DPYSL3: variants seen among roughly 807,000 people sequenced by gnomAD.
DPYSL3 encodes dihydropyrimidinase like 3.
In DPYSL3, 16 loss-of-function variants were observed where a neutral mutation model predicts 66.1. That is an observed-to-expected ratio of 0.24 (90% confidence interval 0.16 to 0.37). DPYSL3 has a LOEUF of 0.37. DPYSL3 is among the 10% of genes least tolerant of loss of function. The pLI is 1.00. For missense variants in DPYSL3, 738 were observed against 916.2 expected, an observed-to-expected ratio of 0.81 and a Z score of 2.51; for synonymous variants, 338 against 345.1, an observed-to-expected ratio of 0.98 and a Z score of 0.23.
chr5:147,506,015 C>G (rs931217227), intron 1 of DPYSL3, among the ~76,000 whole-genome samples: 2 of 150,422 alleles, frequency 1.3e-5, no homozygotes, highest in Non-Finnish European at 3.0e-5. Flanking sequence ...CAATTAGTCT[C>G]TGGGGTTCAA....
At chr5:147,456,355 T>C (rs772086795) in intron 1 of DPYSL3, among the ~76,000 whole-genome samples, 16 of 152,158 alleles carry the variant, frequency 1.1e-4, no homozygotes, top group Non-Finnish European at 2.1e-4. Context: ...GGTATCTCAG[T>C]AAACTGAAAG....
In DPYSL3 at chr5:147,393,970, G is replaced by A. The variant is rs921121964; in HGVS notation, c.*65C>T. ...GATTCGCTTTCCTTCTTAAATATCG[G>A]TGTACCATTTTGGCTTCAAAACAAT... On this transcript the variant is annotated 3_prime_UTR_variant, in exon 14 of 14. Transcript: ENST00000343218. 6.7e-7 allele frequency: 1 copy of A among 1,497,210 alleles called. No individual in the cohort carries two copies. The highest frequency in any genetic ancestry group is 9.3e-7 in the Non-Finnish European group (1 of 1,075,996). The allele number at this position is 1,497,210 out of a possible 1,614,324, so 92.7% of individuals were successfully genotyped here.
chr5:147,501,203 C>G (rs894623351), intron 1 of DPYSL3, among the ~76,000 whole-genome samples: 1 of 152,204 alleles, frequency 6.6e-6, no homozygotes, highest in African/African-American at 2.4e-5. Flanking sequence ...TGAAAGAAGC[C>G]AATCTGAAAA....
intron 1 of DPYSL3, among the ~76,000 whole-genome samples, chr5:147,447,599 G>A (rs936563002): frequency 2.0e-5 from 3 of 152,144 alleles, no homozygotes; most frequent in Admixed American, 6.5e-5. Flanking sequence ...GGCCAGGTGC[G>A]GTGGCTCACG....
chr5:147,442,994 C>T (rs565437316), intron 1 of DPYSL3, among the ~76,000 whole-genome samples: 4 of 152,134 alleles, frequency 2.6e-5, no homozygotes, highest in African/African-American at 4.8e-5. Context: ...GAAAAAAAGC[C>T]TTAGTTAATT....
At chr5:147,425,630 T>A (rs1287890966) in intron 1 of DPYSL3, among the ~76,000 whole-genome samples, 1 of 152,202 alleles carries the variant, frequency 6.6e-6, no homozygotes, top group Non-Finnish European at 1.5e-5. Flanking sequence ...ATTTTCTGAG[T>A]GCATTTCTTT....
At chr5:147,471,545 G>T (rs1014542148) in intron 1 of DPYSL3, among the ~76,000 whole-genome samples, 2 of 152,134 alleles carry the variant, frequency 1.3e-5, no homozygotes, top group East Asian at 3.9e-4. Context: ...CTCTGCTTGG[G>T]TCAGTGATTA....
intron 1 of DPYSL3, among the ~76,000 whole-genome samples, chr5:147,427,699 C>A (rs1033521396): frequency 1.3e-5 from 2 of 152,090 alleles, no homozygotes; most frequent in East Asian, 3.8e-4. Flanking sequence ...AAGTCACAGA[C>A]CAGCACAAGG....
chr5:147,451,794 G>C (rs539292358), intron 1 of DPYSL3, among the ~76,000 whole-genome samples: 1 of 152,240 alleles, frequency 6.6e-6, no homozygotes, highest in African/African-American at 2.4e-5. Flanking sequence ...TAAAAATTGA[G>C]CTTTTGTCCC....
intron 8 of DPYSL3, among the ~76,000 whole-genome samples, chr5:147,402,642 C>A (rs968314880): frequency 7.4e-6 from 1 of 135,212 alleles, no homozygotes; most frequent in Non-Finnish European, 1.5e-5. Flanking sequence ...CCACCGCGCC[C>A]GGCCTATGAC....
rs75613839 is a variant in DPYSL3, at chr5:147,392,985, A to G, written c.*1050T>C. 5 of 152,224 alleles carry G rather than the reference A, an allele frequency of 3.3e-5. No homozygotes were observed. The highest frequency in any genetic ancestry group is 7.2e-5 in the African/African-American group (3 of 41,468). 9.4% of individuals were successfully genotyped at this position (152,224 alleles called of 1,614,324 possible). A position where few individuals can be genotyped will look rare whatever the true frequency, so the allele number is the denominator to read the frequency against. ...TTTCAAAAACTCCTATTTATCATGGATGTGCCAGGATCGAGAGAATCAAAC... is the reference window on the plus strand; with the variant it reads ...TTTCAAAAACTCCTATTTATCATGGGTGTGCCAGGATCGAGAGAATCAAAC... On this transcript the variant is annotated 3_prime_UTR_variant, in exon 14 of 14. Coordinates refer to ENST00000343218, the MANE Select transcript of DPYSL3 (RefSeq NM_001197294.2).
intron 1 of DPYSL3, among the ~76,000 whole-genome samples, chr5:147,458,530 A>C (rs1236083307): frequency 6.6e-6 from 1 of 152,164 alleles, no homozygotes; most frequent in African/African-American, 2.4e-5. Context: ...TTCTTAATAC[A>C]CTTGCTTTCA....
intron 1 of DPYSL3, among the ~76,000 whole-genome samples, chr5:147,488,527 G>C (rs1034145905): frequency 2.0e-5 from 3 of 151,996 alleles, no homozygotes; most frequent in Non-Finnish European, 4.4e-5. Context: ...TACCAGCCTG[G>C]GCAACATAGG....
chr5:147,454,188 T>G (rs1484914153), intron 1 of DPYSL3: 1 of 152,102 alleles, frequency 6.6e-6, no homozygotes, highest in Non-Finnish European at 1.5e-5. Context: ...CGCCCTAGTT[T>G]CAGAATGGAG....
chr5:147,461,517 T>G (rs887388955), intron 1 of DPYSL3, among the ~76,000 whole-genome samples: 1 of 152,100 alleles, frequency 6.6e-6, no homozygotes, highest in Non-Finnish European at 1.5e-5. Flanking sequence ...ACCTTACTCT[T>G]TGTGTGTCCA....
At chr5:147,504,554 G>A (rs2126463322) in intron 1 of DPYSL3, among the ~76,000 whole-genome samples, 1 of 152,340 alleles carries the variant, frequency 6.6e-6, no homozygotes, top group East Asian at 1.9e-4. Flanking sequence ...GCCTTTATAA[G>A]CCTAGAATTC....
chr5:147,413,511 G>C (rs1751897561), intron 5 of DPYSL3, 85 bp downstream of exon 5: 1 of 1,068,666 alleles, frequency 9.4e-7, no homozygotes, highest in African/African-American at 1.6e-5. Flanking sequence ...TGACCACAGT[G>C]ATTCATGTTA....
intron 1 of DPYSL3, among the ~76,000 whole-genome samples, chr5:147,502,571 CTTTTTTTTTTTTT>C (rs71001435): frequency 4.2e-5 from 4 of 95,196 alleles, no homozygotes; most frequent in Non-Finnish European, 7.7e-5. Flanking sequence ...CTTAATAATG[CTTTTTTTTTTTTT>C]TTTTTTTTTT....
At chr5:147,503,560 G>A (rs1345685123) in intron 1 of DPYSL3, among the ~76,000 whole-genome samples, 1 of 152,126 alleles carries the variant, frequency 6.6e-6, no homozygotes, top group Non-Finnish European at 1.5e-5. Context: ...CCAAAGTGCT[G>A]GGATTACAGG....
Sources: allele counts gnomAD v4.1 joint callset (sites outside exome capture counted in the v4.1 genomes callset), GRCh38; gene constraint gnomAD v4.1.1; transcripts MANE v1.5; gene names NCBI Gene and HGNC (gene_info 2026-07-23, HGNC 2026-07-21).